PTPN13: variants seen among roughly 807,000 people sequenced by gnomAD.
The protein encoded by PTPN13 is tyrosine-protein phosphatase non-receptor type 13.
In PTPN13, 191 loss-of-function variants were observed where a neutral mutation model predicts 284.0. That is an observed-to-expected ratio of 0.67 (90% CI 0.60 to 0.76). PTPN13 has a LOEUF of 0.76. Among genes scored for constraint, PTPN13 ranks in the 30% least tolerant of loss-of-function variants. The pLI is 0.00. For synonymous variants in PTPN13, 986 were observed against 1,022.3 expected (o/e 0.96, Z 0.68); for missense variants, 2,797 against 2,939.9 (o/e 0.95, Z 1.12).
At chr4:86,641,891 C>T (rs1271077786) in intron 2 of PTPN13, among the ~76,000 whole-genome samples, 1 of 152,072 alleles carries the variant, frequency 6.6e-6, no homozygotes, top group Admixed American at 6.6e-5. Context: ...AGCTTAAGCT[C>T]GTGAATGTTT....
chr4:86,769,262 A>G (rs1423423450), intron 28 of PTPN13, among the ~76,000 whole-genome samples: 1 of 152,120 alleles, frequency 6.6e-6, no homozygotes, highest in Non-Finnish European at 1.5e-5. Flanking sequence ...CTCACGCTGT[A>G]TACCTGAGTT....
At chr4:86,737,614 G>A (rs551552106) in intron 15 of PTPN13, among the ~76,000 whole-genome samples, 1 of 149,908 alleles carries the variant, frequency 6.7e-6, no homozygotes, top group Non-Finnish European at 1.5e-5. Flanking sequence ...CCCCCTACCT[G>A]TAATCCTTAG....
chr4:86,704,480 G>C (rs996380234), intron 7 of PTPN13, among the ~76,000 whole-genome samples: 14 of 152,206 alleles, frequency 9.2e-5, no homozygotes, highest in African/African-American at 3.4e-4. Context: ...TATCTTCTCA[G>C]TTAATGTGTA....
At chr4:86,778,168 T>C (rs1028485907) in intron 35 of PTPN13, among the ~76,000 whole-genome samples, 4 of 152,212 alleles carry the variant, frequency 2.6e-5, no homozygotes, top group African/African-American at 9.6e-5. Flanking sequence ...TGGAGTGATG[T>C]ATACTTGTGG....
intron 25 of PTPN13, 34 bp from the exon 26 acceptor site, chr4:86,765,361 G>A (rs1472412863): frequency 6.5e-7 from 1 of 1,529,886 alleles, no homozygotes; most frequent in Non-Finnish European, 8.9e-7. Context: ...AATTTTTCAT[G>A]TTATAAAATA....
At position 86,744,967 on chromosome 4, in the gene PTPN13, AAAAG is replaced by A. The variant is rs1224536162; in HGVS notation, c.2493_2496del (p.Lys832SerfsTer10). The A allele has an allele frequency of 6.4e-7, 1 of 1,555,478 alleles. No individual in the cohort carries two copies. Among genetic ancestry groups the A allele is most frequent in the Non-Finnish European group, 8.7e-7 (1 of 1,146,512 alleles). On this transcript the variant is annotated frameshift_variant and splice_region_variant, in exon 17 of 48. Transcript: ENST00000411767. LOFTEE classifies it high-confidence loss of function. ...GAATACCCTTGGTTAATATTGTAGAAAAAGAAAATCACATTGCAAAATACATCAG... is the reference window on the plus strand; with the variant it reads ...GAATACCCTTGGTTAATATTGTAGAAAAAATCACATTGCAAAATACATCAG...
Position 86,763,164 on chromosome 4 carries a change from A to T in PTPN13, c.3991A>T (p.Ser1331Cys). The T allele has an allele frequency of 6.2e-7, 1 of 1,612,096 alleles. No homozygotes were observed. Among genetic ancestry groups the T allele is most frequent in the Non-Finnish European group, 8.5e-7 (1 of 1,179,122 alleles). Reference protein sequence around the residue: ...SDMDEATYSSSQDHQTPKQES... With the variant: ...SDMDEATYSSCQDHQTPKQES... ...CATGGATGAAGCCACTTACTCCAGC[A>T]GTCAGGATCATCAAACACCAAAACA... Residue 1331 changes from serine (S) to cysteine (C), a missense_variant, in exon 24 of 48, where the codon AGT becomes TGT. Physicochemically the swap from Ser to Cys is moderately radical, Grantham distance 112. Coordinates refer to ENST00000411767, the MANE Select transcript of PTPN13 (RefSeq NM_080683.3).
rs780197698 is a variant in PTPN13 at position 86,762,823 on chromosome 4, A to T, written c.3650A>T (p.Asp1217Val). 4 of 1,613,868 alleles carry T rather than the reference A, an allele frequency of 2.5e-6. No homozygotes were observed. Among genetic ancestry groups the T allele is most frequent in the Non-Finnish European group, 3.4e-6 (4 of 1,179,776 alleles). ...AGTGCTATAGATTCTTCTTCCAAGG[A>T]TCACCACTGGTCACGTGGTACCCTG... is the stretch of plus-strand genomic sequence containing the variant. ...QDSAIDSSSK[D>V]HHWSRGTLRH... Residue 1217 changes from aspartate to valine, a missense_variant, in exon 24 of 48, where the codon GAT becomes GTT. Physicochemically the swap from Asp to Val is radical, Grantham distance 152. Coordinates refer to ENST00000411767, the MANE Select transcript of PTPN13 (RefSeq NM_080683.3).
intron 7 of PTPN13, among the ~76,000 whole-genome samples, chr4:86,702,439 A>G (rs1352434758): frequency 2.6e-5 from 4 of 152,208 alleles, no homozygotes; most frequent in Non-Finnish European, 5.9e-5. Flanking sequence ...CTTGGGCTTC[A>G]TCTCTCCAAG....
intron 17 of PTPN13, among the ~76,000 whole-genome samples, chr4:86,746,774 G>A (rs1241745768): frequency 6.6e-6 from 1 of 152,066 alleles, no homozygotes; most frequent in Non-Finnish European, 1.5e-5. Flanking sequence ...GGGATTACAG[G>A]CACCCGCCAC....
At chr4:86,707,863 G>A (rs1165928668) in intron 7 of PTPN13, among the ~76,000 whole-genome samples, 5 of 152,048 alleles carry the variant, frequency 3.3e-5, no homozygotes, top group African/African-American at 7.2e-5. Context: ...TGTATTTCAG[G>A]CATTAATGAC....
Position 86,596,386 on chromosome 4 carries a change from C to T in PTPN13, c.-6+1597C>T, listed in dbSNP as rs530652235. Among the ~76,000 whole-genome samples the T allele has an allele frequency of 4.6e-5, 7 of 152,200 alleles. No homozygotes were observed. In the East Asian group the frequency reaches 5.8e-4, roughly 13 times the overall value. ...TACCAGCATCCAAAAATATAAATGG[C>T]TTTTCATGTCACAAGTAACATACAC... is the stretch of plus-strand genomic sequence containing the variant. On this transcript the variant is annotated intron_variant, in intron 1 of 47. Transcript: ENST00000411767.
In PTPN13 at chr4:86,734,404, T is replaced by G; in HGVS notation, c.1960T>G (p.Phe654Val). Residue 654 changes from phenylalanine to valine, a missense_variant, in exon 13 of 48, where the codon TTT (phenylalanine) becomes GTT (valine). Physicochemically the swap from Phe to Val is conservative, Grantham distance 50. Coordinates refer to ENST00000411767, the MANE Select transcript of PTPN13 (RefSeq NM_080683.3). ...PKKKTKATVN[F>V]TLFFRIKFFM... ...GAAAAAGACCAAAGCCACTGTTAAT[T>G]TTACTTTGTTTTTCAGAATTAAATT... 1.3e-6 allele frequency: 2 copies of G among 1,558,800 alleles called. No homozygotes were observed. Among genetic ancestry groups the G allele is most frequent in the Non-Finnish European group, 1.7e-6 (2 of 1,149,406 alleles).
intron 7 of PTPN13, among the ~76,000 whole-genome samples, chr4:86,707,303 C>CTGT (rs1468295990): frequency 2.0e-5 from 3 of 152,188 alleles, no homozygotes; most frequent in Non-Finnish European, 4.4e-5. Flanking sequence ...GTTTAATGGG[C>CTGT]TGTTAATCAA....
intron 36 of PTPN13, among the ~76,000 whole-genome samples, chr4:86,781,291 A>G (rs1263434415): frequency 1.3e-5 from 2 of 148,506 alleles, no homozygotes; most frequent in African/African-American, 4.8e-5. Context: ...AAGTTTTCCA[A>G]ACTCTACCGT....
rs1030213890 is a variant in PTPN13 at position 86,701,419 on chromosome 4, A to G, written c.813A>G (p.Thr271=). The G allele has an allele frequency of 4.3e-6, 7 of 1,613,642 alleles. No homozygotes were observed. Among genetic ancestry groups the G allele is most frequent in the Non-Finnish European group, 5.9e-6 (7 of 1,179,788 alleles). ...CTGGACGTGAAGATTCTGAAAATAC[A>G]TTCTCCCCTTACCAGTTCAAAACTA... The part of the protein sequence containing the change: ...DNSGREDSEN[T]FSPYQFKTSG... Residue 271 remains threonine, a synonymous_variant, in exon 7 of 48, where the codon ACA becomes ACG. Coordinates refer to ENST00000411767, the MANE Select transcript of PTPN13 (RefSeq NM_080683.3).
At chr4:86,702,630 T>C (rs1731287125) in intron 7 of PTPN13, among the ~76,000 whole-genome samples, 1 of 152,166 alleles carries the variant, frequency 6.6e-6, no homozygotes, top group African/African-American at 2.4e-5. Flanking sequence ...AAACTCAATA[T>C]GTTGATTGGA....
At position 86,759,009 on chromosome 4, in the gene PTPN13, T is replaced by C. The variant is rs991701569; in HGVS notation, c.3489T>C (p.Ile1163=). ...TCAGCCACCATGCTGCAATTGAAATTTTGCAAAATGCACCTGAAGATGTGA... is the reference window on the plus strand; with the variant it reads ...TCAGCCACCATGCTGCAATTGAAATCTTGCAAAATGCACCTGAAGATGTGA... ...EGVSHHAAIE[I]LQNAPEDVTL... The change falls in exon 23 of 48, where the codon ATT becomes ATC. Residue 1163 remains isoleucine, a synonymous_variant. Coordinates refer to ENST00000411767, the MANE Select transcript of PTPN13 (RefSeq NM_080683.3). 4 of 1,613,584 alleles carry C rather than the reference T, an allele frequency of 2.5e-6. No homozygotes were observed. The highest frequency in any genetic ancestry group is 1.7e-5 in the Admixed American group (1 of 59,956).
chr4:86,616,362 C>T (rs922183880), intron 1 of PTPN13, among the ~76,000 whole-genome samples: 2 of 152,088 alleles, frequency 1.3e-5, no homozygotes, highest in Admixed American at 1.3e-4. Flanking sequence ...AGAGATGTTA[C>T]CTCATAGAGA....
Sources: gnomAD v4.1 joint callset for allele counts (sites outside exome capture counted in the v4.1 genomes callset) on GRCh38, gnomAD v4.1.1 for gene constraint, MANE v1.5 for transcripts, NCBI Gene and HGNC (gene_info 2026-07-23, HGNC 2026-07-21) for gene names.